SMC5: variants seen among roughly 807,000 people sequenced by gnomAD.
The protein encoded by SMC5 is structural maintenance of chromosomes 5, also known as structural maintenance of chromosomes protein 5.
In SMC5, 88 loss-of-function variants were observed where a neutral mutation model predicts 148.3. The ratio of observed to expected loss-of-function variants is 0.59; its 90% CI spans 0.50 to 0.71. SMC5 has a LOEUF of 0.71. SMC5 is among the 30% of genes least tolerant of loss of function. SMC5 has a pLI of 0.00. For missense variants in SMC5, 1,142 were observed against 1,298.9 expected (o/e 0.88, Z 1.86); for synonymous variants, 421 against 432.8 (o/e 0.97, Z 0.34).
At chr9:70,297,934 T>C (rs1303901836) in intron 8 of SMC5, 32 bp from the exon 9 acceptor site, 16 of 1,587,316 alleles carry the variant, frequency 1.0e-5, no homozygotes, top group African/African-American at 1.4e-5. Flanking sequence ...AGGAAAACAG[T>C]CTCAAGTACT....
intron 15 of SMC5, among the ~76,000 whole-genome samples, chr9:70,319,270 A>C (rs1052928429): frequency 2.0e-5 from 3 of 152,198 alleles, no homozygotes; most frequent in African/African-American, 7.2e-5. Context: ...AGAAATTAAA[A>C]CTGAGAATGT....
chr9:70,264,228 A>G, intron 1 of SMC5, 76 bp from the exon 2 acceptor site: 2 of 1,297,698 alleles, frequency 1.5e-6, no homozygotes, highest in Non-Finnish European at 2.1e-6. Context: ...GAATTTGAGG[A>G]AGCTCATAGA....
intron 11 of SMC5, chr9:70,311,098 T>A (rs1355128925): frequency 6.6e-6 from 1 of 152,242 alleles, no homozygotes. Context: ...TCTAATTTCC[T>A]TCAAGAACTC....
intron 21 of SMC5, 68 bp from the exon 22 acceptor site, chr9:70,347,851 T>C: frequency 6.9e-7 from 1 of 1,442,348 alleles, no homozygotes; most frequent in East Asian, 2.3e-5. Context: ...AAAATTTACA[T>C]AAAATTGTGT....
At chr9:70,289,255 C>T (rs1428483734) in intron 8 of SMC5, among the ~76,000 whole-genome samples, 4 of 152,124 alleles carry the variant, frequency 2.6e-5, no homozygotes, top group Non-Finnish European at 4.4e-5. Flanking sequence ...CCAGGCTGGT[C>T]TCAAAGACCT....
intron 1 of SMC5, among the ~76,000 whole-genome samples, chr9:70,263,189 C>T (rs571441024): frequency 1.3e-5 from 2 of 152,156 alleles, no homozygotes; most frequent in South Asian, 2.1e-4. Flanking sequence ...TCCTACATGT[C>T]TGAAGTTCCC....
chr9:70,347,184 A>C, intron 20 of SMC5, 23 bp downstream of exon 20: 1 of 1,599,600 alleles, frequency 6.3e-7, no homozygotes, highest in Non-Finnish European at 8.6e-7. Context: ...CTCTATTCCC[A>C]TTCTGCATCC....
intron 8 of SMC5, among the ~76,000 whole-genome samples, chr9:70,287,161 G>C (rs1461173651): frequency 6.6e-6 from 1 of 152,092 alleles, no homozygotes; most frequent in African/African-American, 2.4e-5. Flanking sequence ...GAAAAATCTT[G>C]TTTCAATTTG....
At chr9:70,268,934 A>G (rs1026972545) in intron 3 of SMC5, among the ~76,000 whole-genome samples, 4 of 152,228 alleles carry the variant, frequency 2.6e-5, no homozygotes, top group Admixed American at 6.5e-5. Context: ...CATCCTTGGT[A>G]TATATAATTT....
rs1351354090 is a variant in SMC5 at position 70,353,650 on chromosome 9, T to G, written c.*1319T>G. The G allele has an allele frequency of 6.6e-6, 1 of 152,204 alleles. No homozygotes were observed. The highest frequency in any genetic ancestry group is 6.5e-5 in the Admixed American group (1 of 15,284). 9.4% of individuals were successfully genotyped at this position (152,204 alleles called of 1,614,324 possible). On this transcript the variant is annotated 3_prime_UTR_variant, in exon 25 of 25. Coordinates refer to ENST00000361138, the MANE Select transcript of SMC5 (RefSeq NM_015110.4). The stretch of plus-strand genomic sequence containing the variant: ...AACTAGGTCAAAAAATAATGAGCCA[T>G]AAGTTTATGTCCTCTCACTTAGACA...
chr9:70,280,919 G>A lies in SMC5; in HGVS notation c.819+20G>A, dbSNP rs1564028122. On this transcript the variant is annotated intron_variant, in intron 6 of 24. Transcript: ENST00000361138. Reference sequence around the variant, plus strand: ...TGGGTGGTAAGTCATAATTTTTAGAGGCAAAGTACGTGTTTCTTTAAGTAG... The same window carrying A: ...TGGGTGGTAAGTCATAATTTTTAGAAGCAAAGTACGTGTTTCTTTAAGTAG... 6.2e-7 allele frequency: 1 copy of A among 1,612,788 alleles called. No homozygotes were observed. Among genetic ancestry groups the A allele is most frequent in the African/African-American group, 1.3e-5 (1 of 74,806 alleles).
Position 70,352,422 on chromosome 9 carries a change from G to A in SMC5, c.*91G>A, listed in dbSNP as rs183063929. ...TGAATAAAAGGAGATTCACTAAAAC[G>A]AAAAGCAGTTATTTTTGGAAACCTG... On this transcript the variant is annotated 3_prime_UTR_variant, in exon 25 of 25. Coordinates refer to ENST00000361138, the MANE Select transcript of SMC5 (RefSeq NM_015110.4). 64 of 1,322,604 alleles carry A rather than the reference G, an allele frequency of 4.8e-5. No individual in the cohort carries two copies. In the African/African-American group the frequency reaches 6.6e-4, roughly 14 times the overall value. 81.9% of individuals were successfully genotyped at this position (1,322,604 alleles called of 1,614,324 possible). A position where few individuals can be genotyped will look rare whatever the true frequency, so the allele number is the denominator to read the frequency against.
intron 7 of SMC5, 63 bp from the exon 8 acceptor site, chr9:70,286,137 T>C: frequency 1.0e-6 from 1 of 978,506 alleles, no homozygotes; most frequent in Non-Finnish European, 1.7e-6. Context: ...GGCAGGGCCA[T>C]ATAATTTGCT....
chr9:70,353,392 ATTTG>A lies in SMC5; in HGVS notation c.*1065_*1068del, dbSNP rs1272132931. 6.6e-6 allele frequency: 1 copy of A among 152,208 alleles called. No individual in the cohort carries two copies. Among genetic ancestry groups the A allele is most frequent in the Non-Finnish European group, 1.5e-5 (1 of 68,014 alleles). 9.4% of individuals were successfully genotyped at this position (152,208 alleles called of 1,614,324 possible). ...CGCAAAAGAATTAAATGGGAAAATC[ATTTG>A]TTTATCTCTAAGTTATACTAATTAG... On this transcript the variant is annotated 3_prime_UTR_variant, in exon 25 of 25. Coordinates refer to ENST00000361138, the MANE Select transcript of SMC5 (RefSeq NM_015110.4).
At chr9:70,344,075 G>A (rs1340658250) in intron 17 of SMC5, 69 bp from the exon 18 acceptor site, 2 of 876,016 alleles carry the variant, frequency 2.3e-6, no homozygotes, top group Middle Eastern at 3.7e-4. Flanking sequence ...TTAATATGTG[G>A]TAGTTTAATA....
chr9:70,263,706 A>G (rs2034199337), intron 1 of SMC5, among the ~76,000 whole-genome samples: 1 of 152,018 alleles, frequency 6.6e-6, no homozygotes, highest in Non-Finnish European at 1.5e-5. Context: ...GCTGGCTTTG[A>G]CCTCCTAGGC....
At chr9:70,300,335 C>CTA in intron 10 of SMC5, 135 bp downstream of exon 10, 1 of 707,886 alleles carries the variant, frequency 1.4e-6, no homozygotes, top group Non-Finnish European at 2.2e-6. Context: ...ACTGCTGAAT[C>CTA]TATACATGAG....
intron 8 of SMC5, among the ~76,000 whole-genome samples, chr9:70,292,577 C>G (rs952910849): frequency 6.6e-6 from 1 of 152,094 alleles, no homozygotes; most frequent in Non-Finnish European, 1.5e-5. Context: ...TCACCTTATT[C>G]TTGATCTTAG....
chr9:70,301,202 T>A (rs2035349216), intron 10 of SMC5, among the ~76,000 whole-genome samples: 1 of 152,162 alleles, frequency 6.6e-6, no homozygotes, highest in African/African-American at 2.4e-5. Context: ...TTATAAAAGT[T>A]ATAATGCAGG....
Sources: allele counts gnomAD v4.1 joint callset (sites outside exome capture counted in the v4.1 genomes callset), GRCh38; gene constraint gnomAD v4.1.1; transcripts MANE v1.5; gene names NCBI Gene and HGNC (gene_info 2026-07-23, HGNC 2026-07-21).